The following DMXL2 variants were observed in gnomAD, a reference collection of about 807,000 sequenced individuals.
DMXL2 encodes dmX-like protein 2.
DMXL2 carries 103 observed loss-of-function variants against 331.1 expected under a neutral mutation model. That is an observed-to-expected ratio of 0.31 (90% CI 0.27 to 0.37). The LOEUF (loss-of-function observed/expected upper bound fraction) is 0.37, where lower values mean the gene tolerates loss of function less well. Among genes scored for constraint, DMXL2 ranks in the 10% least tolerant of loss-of-function variants. The probability of loss-of-function intolerance (pLI) is 1.00; values close to 1 mark genes in which losing one functional copy is unlikely to be tolerated. For synonymous variants in DMXL2, 1,281 were observed against 1,252.1 expected (o/e 1.02, Z -0.49); for missense variants, 3,171 against 3,642.9 (o/e 0.87, Z 3.33).
At chr15:51,554,303 A>T (rs2049408369) in intron 6 of DMXL2, among the ~76,000 whole-genome samples, 1 of 152,206 alleles carries the variant, frequency 6.6e-6, no homozygotes, top group Non-Finnish European at 1.5e-5. Context: ...CCTAAGAAAT[A>T]TGAGTAACAA....
At chr15:51,557,495 A>G (rs2141004539) in intron 6 of DMXL2, among the ~76,000 whole-genome samples, 1 of 152,294 alleles carries the variant, frequency 6.6e-6, no homozygotes, top group South Asian at 2.1e-4. Flanking sequence ...GAATCATAAG[A>G]GGTTTTCTGT....
Position 51,448,834 on chromosome 15 carries a change from C to T in DMXL2, c.*150G>A. 1 of 753,508 alleles carries T rather than the reference C, an allele frequency of 1.3e-6. No individual in the cohort carries two copies. Among genetic ancestry groups the T allele is most frequent in the Non-Finnish European group, 2.1e-6 (1 of 468,800 alleles). The allele number at this position is 753,508 out of a possible 1,614,324, so 46.7% of individuals were successfully genotyped here. A position where few individuals can be genotyped will look rare whatever the true frequency, so the allele number is the denominator to read the frequency against. ...GGTACATGCGCATTCATTCCACCAA[C>T]CTGTTTAGATAATACTCAGCTTGGG... On this transcript the variant is annotated 3_prime_UTR_variant, in exon 44 of 44. Coordinates refer to ENST00000560891, the MANE Select transcript of DMXL2 (RefSeq NM_001378457.1).
intron 1 of DMXL2, among the ~76,000 whole-genome samples, chr15:51,605,397 C>T (rs932716111): frequency 6.6e-6 from 1 of 151,788 alleles, no homozygotes; most frequent in Non-Finnish European, 1.5e-5. Context: ...GACAGGGTTT[C>T]ACCGTGTTGG....
At chr15:51,511,274 A>G (rs1350991105) in intron 15 of DMXL2, among the ~76,000 whole-genome samples, 1 of 152,234 alleles carries the variant, frequency 6.6e-6, no homozygotes, top group African/African-American at 2.4e-5. Context: ...GAATGGGAGA[A>G]AATTTTTGCA....
intron 1 of DMXL2, among the ~76,000 whole-genome samples, chr15:51,589,982 C>T (rs183563588): frequency 7.4e-4 from 113 of 152,288 alleles, no homozygotes; most frequent in African/African-American, 2.6e-3. Context: ...AAAAATTATG[C>T]TTTATCATGT....
intron 23 of DMXL2, among the ~76,000 whole-genome samples, chr15:51,484,127 A>G (rs1022129444): frequency 6.6e-6 from 1 of 151,874 alleles, no homozygotes; most frequent in South Asian, 2.1e-4. Context: ...CAATCGTGTC[A>G]TGGGCCTGAG....
chr15:51,536,134 G>T (rs1449354351), intron 12 of DMXL2, 32 bp downstream of exon 12: 1 of 1,480,936 alleles, frequency 6.8e-7, no homozygotes, highest in Admixed American at 2.3e-5. Context: ...TTAAAAGCTT[G>T]TGTTAATTTC....
In DMXL2 at chr15:51,580,547, G is replaced by A. The variant is rs529717153; in HGVS notation, c.88-4366C>T. On this transcript the variant is annotated intron_variant, in intron 1 of 43. Coordinates refer to ENST00000560891, the MANE Select transcript of DMXL2 (RefSeq NM_001378457.1). ...TGACCTGTGCCAGAGCACAATATAC[G>A]AGTGTACTGCTCTTCTAACAGTACT... 9.9e-5 allele frequency among the ~76,000 whole-genome samples: 15 copies of A among 152,260 alleles called. 1 individual carries two copies. The South Asian group carries it at 3.1e-3, about 32-fold the overall frequency.
At position 51,488,585 on chromosome 15, in the gene DMXL2, A is replaced by G; in HGVS notation, c.5014T>C (p.Ser1672Pro). Residue 1672 changes from serine (S) to proline (P), a missense_variant, in exon 21 of 44, where the codon TCA (serine) becomes CCA (proline). Around this residue, in one of 7 missense-constraint regions of DMXL2, gnomAD observed 252 missense variants for 387.4 expected, o/e 0.65. Transcript: ENST00000560891. ...DALDAALFYL[S>P]MKKKAVVWGL... ...CACACTACTGCTTTCTTCTTCATTG[A>G]AAGGTAGAATAGTGCAGCATCTAAG... is the stretch of plus-strand genomic sequence containing the variant. The G allele has an allele frequency of 1.2e-6, 2 of 1,613,592 alleles. No individual in the cohort carries two copies. Among genetic ancestry groups the G allele is most frequent in the Non-Finnish European group, 1.7e-6 (2 of 1,179,844 alleles).
intron 18 of DMXL2, among the ~76,000 whole-genome samples, chr15:51,498,031 G>A (rs1164271612): frequency 1.3e-5 from 2 of 152,126 alleles, no homozygotes; most frequent in South Asian, 4.1e-4. Context: ...TCAGGAATTC[G>A]AGACTAGCTG....
intron 17 of DMXL2, among the ~76,000 whole-genome samples, chr15:51,501,748 G>A (rs189796615): frequency 2.0e-5 from 3 of 151,272 alleles, no homozygotes; most frequent in Admixed American, 6.6e-5. Context: ...GTGAAACCCC[G>A]TCTCTACTAA....
At chr15:51,556,808 G>GA (rs2049624642) in intron 6 of DMXL2, among the ~76,000 whole-genome samples, 1 of 151,818 alleles carries the variant, frequency 6.6e-6, no homozygotes. Flanking sequence ...ATTAGATGCA[G>GA]AAAAAATGCT....
intron 33 of DMXL2, 51 bp downstream of exon 33, chr15:51,463,328 T>C: frequency 2.6e-6 from 3 of 1,171,960 alleles, no homozygotes; most frequent in Non-Finnish European, 3.7e-6. Flanking sequence ...CTTAGAAATG[T>C]TAAAGAAAAC....
intron 2 of DMXL2, among the ~76,000 whole-genome samples, 168 bp from the exon 3 acceptor site, chr15:51,568,726 C>T (rs1198427375): frequency 6.6e-6 from 1 of 152,110 alleles, no homozygotes; most frequent in Non-Finnish European, 1.5e-5. Context: ...GAGTCTCTCC[C>T]CTGTTATCAA....
chr15:51,489,445 T>G (rs2042632117), intron 20 of DMXL2, among the ~76,000 whole-genome samples: 1 of 152,088 alleles, frequency 6.6e-6, no homozygotes, highest in Non-Finnish European at 1.5e-5. Flanking sequence ...TCACTTGAGG[T>G]CAGGAGTTCG....
chr15:51,560,091 T>C (rs943513468), intron 6 of DMXL2, among the ~76,000 whole-genome samples: 3 of 152,170 alleles, frequency 2.0e-5, no homozygotes, highest in Admixed American at 6.5e-5. Flanking sequence ...ACAACTTTCA[T>C]TTGGATTAGG....
chr15:51,466,224 C>A lies in DMXL2; in HGVS notation c.7480G>T (p.Asp2494Tyr). 2 of 1,577,484 alleles carry A rather than the reference C, an allele frequency of 1.3e-6. No individual in the cohort carries two copies. The highest frequency in any genetic ancestry group is 2.3e-5 in the East Asian group (1 of 42,708). ...SDEEDDAFFS[D>Y]TQIQEHQDPN... ...TCTTGGTGCTCCTGTATTTGTGTAT[C>A]TGAAAAAAAGGCATCATCTTCTTCA... The change falls in exon 30 of 44, where the codon GAT becomes TAT. Residue 2494 changes from aspartate to tyrosine, a missense_variant. Physicochemically the swap from Asp to Tyr is radical, Grantham distance 160 (BLOSUM62 -3). This residue lies in a region of DMXL2 where 766 missense variants were observed against 940.5 expected (regional missense o/e 0.81). Transcript: ENST00000560891.
chr15:51,520,012 T>C (rs937755825), intron 13 of DMXL2, among the ~76,000 whole-genome samples: 5 of 152,188 alleles, frequency 3.3e-5, no homozygotes, highest in Non-Finnish European at 7.3e-5. Flanking sequence ...AGCAAAATCA[T>C]AAAGAAAGCA....
Position 51,537,562 on chromosome 15 carries a change from C to T in DMXL2, c.1543G>A (p.Val515Ile), listed in dbSNP as rs371835376. The T allele has an allele frequency of 1.9e-6, 3 of 1,613,818 alleles. No individual in the cohort carries two copies. Among genetic ancestry groups the T allele is most frequent in the Non-Finnish European group, 1.7e-6 (2 of 1,179,838 alleles). The change falls in exon 11 of 44, where the codon GTA (valine) becomes ATA (isoleucine). Residue 515 changes from valine (V) to isoleucine (I), a missense_variant. Val to Ile is a conservative substitution (Grantham distance 29, BLOSUM62 3). Coordinates refer to ENST00000560891, the MANE Select transcript of DMXL2 (RefSeq NM_001378457.1). ...TGCCACACTAGAAAGGTACCATCTA[C>T]AGGGTGTATTGTAAAAAGCATATCA... is the stretch of plus-strand genomic sequence containing the variant. ...NPDMLFTIHPVDGTFLVWHVK... is the reference protein window; with the variant it reads ...NPDMLFTIHPIDGTFLVWHVK...
Sources: gnomAD v4.1 joint callset for allele counts (sites outside exome capture counted in the v4.1 genomes callset) on GRCh38, gnomAD v4.1.1 for gene constraint, gnomAD v4.1.1 regional missense constraint, MANE v1.5 for transcripts, NCBI Gene and HGNC (gene_info 2026-07-23, HGNC 2026-07-21) for gene names.